DRC11: variants seen among roughly 807,000 people sequenced by gnomAD.
DRC11 encodes dynein regulatory complex subunit 11.
the DRC11 span, among the ~76,000 whole-genome samples, chr2:236,321,083 C>T: frequency 1.3e-5 from 2 of 152,196 alleles, no homozygotes; most frequent in Non-Finnish European, 2.9e-5. Flanking sequence ...CTGTCAATAG[C>T]TACCCAAATG....
At chr2:236,367,747 G>A in the DRC11 span, 6 of 186,712 alleles carry the variant, frequency 3.2e-5, no homozygotes, top group East Asian at 1.6e-4. This position sits in a 1 kb window ranked among gnomAD's most constrained non-coding sequence, Gnocchi z 4.8. Context: ...AGTAGACGTC[G>A]GTGAAAACTG....
the DRC11 span, among the ~76,000 whole-genome samples, chr2:236,458,308 CAACT>C: frequency 1.3e-5 from 2 of 152,280 alleles, no homozygotes; most frequent in South Asian, 4.1e-4. Flanking sequence ...AAAATAAACA[CAACT>C]ATCACACAAT....
the DRC11 span, among the ~76,000 whole-genome samples, chr2:236,382,085 G>A: frequency 6.6e-6 from 1 of 152,154 alleles, no homozygotes; most frequent in Non-Finnish European, 1.5e-5. Context: ...TTTTCTAAAA[G>A]TTAAGTCTGT....
chr2:236,319,968 C>T, the DRC11 span, among the ~76,000 whole-genome samples: 2,276 of 152,318 alleles, frequency 0.015, 94 homozygotes, highest in East Asian at 0.14. The surrounding 1 kb of genome is among the most constrained non-coding windows in gnomAD (Gnocchi z 6.7). Flanking sequence ...ATGTGTCCTT[C>T]CCCCTCAGAC....
chr2:236,453,433 A>G, the DRC11 span, among the ~76,000 whole-genome samples: 2 of 152,228 alleles, frequency 1.3e-5, no homozygotes, highest in African/African-American at 4.8e-5. This position sits in a 1 kb window ranked among gnomAD's most constrained non-coding sequence, Gnocchi z 4.9. Flanking sequence ...ACATGTTGAC[A>G]TACATCTCCA....
At chr2:236,313,242 T>C in the DRC11 span, among the ~76,000 whole-genome samples, 2 of 152,114 alleles carry the variant, frequency 1.3e-5, no homozygotes, top group South Asian at 2.1e-4. The surrounding 1 kb of genome is among the most constrained non-coding windows in gnomAD (Gnocchi z 4.5). Context: ...TTTAAGAACA[T>C]AGATGCAAAT....
chr2:236,410,557 T>C, the DRC11 span, among the ~76,000 whole-genome samples: 1 of 150,188 alleles, frequency 6.7e-6, no homozygotes, highest in Non-Finnish European at 1.5e-5. Flanking sequence ...TTAAAGTTCA[T>C]ATGGAACCAA....
At chr2:236,502,856 G>A in the DRC11 span, among the ~76,000 whole-genome samples, 1 of 151,538 alleles carries the variant, frequency 6.6e-6, no homozygotes, top group Admixed American at 6.6e-5. Context: ...TCAAGAGGCT[G>A]AGATGGGAGA....
chr2:236,321,345 C>A, the DRC11 span, among the ~76,000 whole-genome samples: 1 of 152,204 alleles, frequency 6.6e-6, no homozygotes, highest in African/African-American at 2.4e-5. Flanking sequence ...TCTGTATGTG[C>A]TGATATGAAA....
At chr2:236,370,785 T>G in the DRC11 span, among the ~76,000 whole-genome samples, 1 of 95,730 alleles carries the variant, frequency 1.0e-5, no homozygotes, top group Non-Finnish European at 2.0e-5. The surrounding 1 kb of genome is among the most constrained non-coding windows in gnomAD (Gnocchi z 5.5). Context: ...CATGCAGGGG[T>G]GCAGCAAGCA....
At chr2:236,364,945 A>G in the DRC11 span, among the ~76,000 whole-genome samples, 3 of 152,156 alleles carry the variant, frequency 2.0e-5, no homozygotes, top group Non-Finnish European at 2.9e-5. Context: ...AATAGTTTTG[A>G]GCAAATTCTC....
the DRC11 span, among the ~76,000 whole-genome samples, chr2:236,457,006 C>T: frequency 6.6e-6 from 1 of 152,164 alleles, no homozygotes; most frequent in Admixed American, 6.5e-5. This position sits in a 1 kb window ranked among gnomAD's most constrained non-coding sequence, Gnocchi z 4.7. Flanking sequence ...GGCCAGGCAG[C>T]CCACCTGGGC....
the DRC11 span, chr2:236,333,405 C>T: frequency 3.9e-5 from 6 of 153,168 alleles, no homozygotes; most frequent in African/African-American, 1.4e-4. The surrounding 1 kb of genome is among the most constrained non-coding windows in gnomAD (Gnocchi z 6.0). Context: ...ATCATCACAA[C>T]AACAACAACT....
the DRC11 span, among the ~76,000 whole-genome samples, chr2:236,388,087 C>T: frequency 6.6e-6 from 1 of 152,086 alleles, no homozygotes; most frequent in Non-Finnish European, 1.5e-5. Flanking sequence ...CTCTGGCTGC[C>T]CTTAACATTT....
the DRC11 span, among the ~76,000 whole-genome samples, chr2:236,450,387 T>G: frequency 7.1e-6 from 1 of 140,634 alleles, no homozygotes; most frequent in South Asian, 2.6e-4. Context: ...TGGCGCAATC[T>G]CGGCTCACTG....
the DRC11 span, among the ~76,000 whole-genome samples, chr2:236,460,610 AAC>A: frequency 7.0e-4 from 106 of 152,338 alleles, no homozygotes; most frequent in Non-Finnish European, 9.8e-4. This position sits in a 1 kb window ranked among gnomAD's most constrained non-coding sequence, Gnocchi z 4.0. Flanking sequence ...TTATAAAAAT[AAC>A]ACTTATTTTT....
chr2:236,394,062 C>T, the DRC11 span, among the ~76,000 whole-genome samples: 3 of 151,660 alleles, frequency 2.0e-5, no homozygotes, highest in East Asian at 5.8e-4. This position sits in a 1 kb window ranked among gnomAD's most constrained non-coding sequence, Gnocchi z 7.0. Flanking sequence ...CCAGTTTAGC[C>T]CCAAATAGTT....
chr2:236,360,878 G>A, the DRC11 span, among the ~76,000 whole-genome samples: 1 of 152,182 alleles, frequency 6.6e-6, no homozygotes, highest in African/African-American at 2.4e-5. The surrounding 1 kb of genome is among the most constrained non-coding windows in gnomAD (Gnocchi z 5.8). Flanking sequence ...GGAAAACGAA[G>A]TCTCTGCAAG....
the DRC11 span, among the ~76,000 whole-genome samples, chr2:236,361,077 G>T: frequency 6.6e-6 from 1 of 151,970 alleles, no homozygotes; most frequent in African/African-American, 2.4e-5. The surrounding 1 kb of genome is among the most constrained non-coding windows in gnomAD (Gnocchi z 5.7). Context: ...TGATGACCCC[G>T]TTTTGAAATG....
Sources: allele counts gnomAD v4.1 joint callset (sites outside exome capture counted in the v4.1 genomes callset), GRCh38; gene constraint gnomAD v4.1.1; non-coding constraint Gnocchi (gnomAD v3.1); transcripts MANE v1.5; gene names NCBI Gene and HGNC (gene_info 2026-07-23, HGNC 2026-07-21).